TMX4: variants seen among roughly 807,000 people sequenced by gnomAD.
TMX4 encodes the protein thioredoxin-related transmembrane protein 4.
In TMX4, 23 loss-of-function variants were observed where a neutral mutation model predicts 33.3. The observed-to-expected ratio is 0.69, with a 90% CI of 0.50 to 0.98. TMX4 has a LOEUF of 0.98. TMX4 is among the 50% of genes least tolerant of loss of function. TMX4 has a pLI of 0.00. For synonymous variants in TMX4, 164 were observed against 161.5 expected, an observed-to-expected ratio of 1.02 and a Z score of -0.12; for missense variants, 399 against 448.9, an observed-to-expected ratio of 0.89 and a Z score of 1.01.
At chr20:7,983,954 G>A in intron 6 of TMX4, 97 bp from the exon 7 acceptor site, 1 of 799,174 alleles carries the variant, frequency 1.3e-6, no homozygotes, top group East Asian at 2.7e-5. Flanking sequence ...GATATTCTTA[G>A]ACTAATAATT....
In TMX4 at chr20:7,978,693, T is replaced by G. The variant is rs1373731920; in HGVS notation, c.*3558A>C. ...TTCCATGCACAAGAGCTTTTAAGTA[T>G]GTGCCCATGCAGTGCAAGGCCCTGT... On this transcript the variant is annotated 3_prime_UTR_variant, in exon 8 of 8. Transcript: ENST00000246024. 1 of 152,256 alleles carries G rather than the reference T, an allele frequency of 6.6e-6. No homozygotes were observed. Among genetic ancestry groups the G allele is most frequent in the Non-Finnish European group, 1.5e-5 (1 of 68,060 alleles). The allele number at this position is 152,256 out of a possible 1,614,324, so 9.4% of individuals were successfully genotyped here. A position where few individuals can be genotyped will look rare whatever the true frequency, so the allele number is the denominator to read the frequency against.
At chr20:7,992,044 G>A (rs1382355955) in intron 5 of TMX4, among the ~76,000 whole-genome samples, 1 of 152,222 alleles carries the variant, frequency 6.6e-6, no homozygotes, top group African/African-American at 2.4e-5. Context: ...TGGCAGTGAT[G>A]CTTCCTGAAG....
intron 5 of TMX4, among the ~76,000 whole-genome samples, chr20:7,989,729 G>A (rs1210751958): frequency 1.2e-4 from 19 of 152,128 alleles, no homozygotes; most frequent in Admixed American, 1.2e-3. Context: ...TGAGTGTTAG[G>A]ATTAGTGGTA....
chr20:7,982,467 T>A lies in TMX4; in HGVS notation c.834A>T (p.Glu278Asp). 1 of 1,614,094 alleles carries A rather than the reference T, an allele frequency of 6.2e-7. No individual in the cohort carries two copies. Among genetic ancestry groups the A allele is most frequent in the Non-Finnish European group, 8.5e-7 (1 of 1,180,006 alleles). The change falls in exon 8 of 8, where the codon GAA becomes GAT. Residue 278 changes from glutamate (E) to aspartate (D), a missense_variant. Coordinates refer to ENST00000246024, the MANE Select transcript of TMX4 (RefSeq NM_021156.4). ...EDLGDEDEAE[E>D]EEEEDNLAAG... is the part of the protein sequence containing the mutation. ...CAGCCAAGTTGTCCTCCTCCTCTTCTTCCTCTGCTTCATCCTCATCGCCAA... is the reference window on the plus strand; with the variant it reads ...CAGCCAAGTTGTCCTCCTCCTCTTCATCCTCTGCTTCATCCTCATCGCCAA...
Position 7,981,980 on chromosome 20 carries a change from C to T in TMX4, c.*271G>A, listed in dbSNP as rs1052307902. On this transcript the variant is annotated 3_prime_UTR_variant, in exon 8 of 8. Transcript: ENST00000246024. ...TGGGAATGGCCTCCTCTGGTCGAGA[C>T]TCTCTGACCCCTAAGTAAATGAACT... 3 of 378,100 alleles carry T rather than the reference C, an allele frequency of 7.9e-6. No individual in the cohort carries two copies. Among genetic ancestry groups the T allele is most frequent in the African/African-American group, 6.2e-5 (3 of 48,694 alleles). The allele number at this position is 378,100 out of a possible 1,614,324, so 23.4% of individuals were successfully genotyped here.
At chr20:8,007,255 C>A (rs766730458) in intron 2 of TMX4, among the ~76,000 whole-genome samples, 9 of 151,782 alleles carry the variant, frequency 5.9e-5, no homozygotes, top group Non-Finnish European at 1.0e-4. Flanking sequence ...TGTCCCAAAC[C>A]TACTTCTCCT....
At chr20:8,004,473 C>T (rs1321892017) in intron 2 of TMX4, among the ~76,000 whole-genome samples, 1 of 152,100 alleles carries the variant, frequency 6.6e-6, no homozygotes, top group Non-Finnish European at 1.5e-5. Flanking sequence ...AAAGTTAGGC[C>T]ACAAAGCCTT....
At chr20:8,001,692 C>T (rs984203410) in intron 2 of TMX4, 151 bp from the exon 3 acceptor site, 11 of 745,622 alleles carry the variant, frequency 1.5e-5, no homozygotes, top group Non-Finnish European at 2.4e-5. Flanking sequence ...TCATTTCTAC[C>T]TATTTTTATT....
chr20:7,982,706 A>T (rs1463024475), intron 7 of TMX4, 85 bp from the exon 8 acceptor site: 1 of 1,419,068 alleles, frequency 7.0e-7, no homozygotes, highest in Non-Finnish European at 9.5e-7. Context: ...GTGAAATAAA[A>T]ATAGAGGGTA....
chr20:8,004,183 A>G (rs574559300), intron 2 of TMX4, among the ~76,000 whole-genome samples: 2 of 152,156 alleles, frequency 1.3e-5, no homozygotes, highest in South Asian at 4.1e-4. Context: ...TCTGGGTCTC[A>G]TCTCAGTACT....
chr20:8,003,870 C>T (rs2122870786), intron 2 of TMX4, among the ~76,000 whole-genome samples: 1 of 152,218 alleles, frequency 6.6e-6, no homozygotes, highest in South Asian at 2.1e-4. Context: ...ACCAATAAAT[C>T]ATATCACCTC....
In TMX4 at chr20:7,978,601, T is replaced by G. The variant is rs546479987; in HGVS notation, c.*3650A>C. 1 of 152,334 alleles carries G rather than the reference T, an allele frequency of 6.6e-6. No homozygotes were observed. Among genetic ancestry groups the G allele is most frequent in the Non-Finnish European group, 1.5e-5 (1 of 68,030 alleles). The allele number at this position is 152,334 out of a possible 1,614,324, so 9.4% of individuals were successfully genotyped here. A position where few individuals can be genotyped will look rare whatever the true frequency, so the allele number is the denominator to read the frequency against. On this transcript the variant is annotated 3_prime_UTR_variant, in exon 8 of 8. Transcript: ENST00000246024. ...AAAGCCAACTCAGCTGAAGCTTATC[T>G]ATTTTCTACTACAGTAGTTATTTTG... is the stretch of plus-strand genomic sequence containing the variant.
At chr20:8,007,018 C>T (rs944274474) in intron 2 of TMX4, among the ~76,000 whole-genome samples, 2 of 152,326 alleles carry the variant, frequency 1.3e-5, no homozygotes, top group South Asian at 2.1e-4. Context: ...CCGCTCGCCT[C>T]GGCCTCCCAG....
rs1406791384 is a variant in TMX4 at position 7,982,565 on chromosome 20, C to T, written c.736G>A (p.Glu246Lys). Residue 246 changes from glutamate (E) to lysine (K), a missense_variant, in exon 8 of 8, where the codon GAG (glutamate) becomes AAG (lysine). Glu to Lys is a moderately conservative substitution (Grantham distance 56). Transcript: ENST00000246024. Reference protein sequence around the residue: ...HRAEQLQDAEEEKDDSNEEEN... With the variant: ...HRAEQLQDAEKEKDDSNEEEN... Reference sequence around the variant, plus strand: ...TCTTCATTTGAATCATCTTTTTCCTCCTCCGCATCCTGCAACTGTTCAGCT... The same window carrying T: ...TCTTCATTTGAATCATCTTTTTCCTTCTCCGCATCCTGCAACTGTTCAGCT... 6.2e-7 allele frequency: 1 copy of T among 1,613,726 alleles called. No homozygotes were observed. Among genetic ancestry groups the T allele is most frequent in the Non-Finnish European group, 8.5e-7 (1 of 1,179,998 alleles).
chr20:8,003,787 T>G (rs1202592344), intron 2 of TMX4, among the ~76,000 whole-genome samples: 1 of 152,162 alleles, frequency 6.6e-6, no homozygotes, highest in Non-Finnish European at 1.5e-5. Context: ...TCTCTTGATA[T>G]GAATTGCTAT....
intron 1 of TMX4, among the ~76,000 whole-genome samples, chr20:8,010,562 T>A (rs2050748812): frequency 6.6e-6 from 1 of 152,140 alleles, no homozygotes; most frequent in Non-Finnish European, 1.5e-5. Flanking sequence ...ATTATTATTA[T>A]CCATAAACAT....
At chr20:8,000,165 T>C (rs1451194267) in intron 3 of TMX4, among the ~76,000 whole-genome samples, 6 of 152,188 alleles carry the variant, frequency 3.9e-5, no homozygotes, top group Non-Finnish European at 8.8e-5. Context: ...AATTACTTTT[T>C]CTCTTACAAT....
At chr20:7,982,743 T>C in intron 7 of TMX4, 122 bp from the exon 8 acceptor site, 1 of 1,091,544 alleles carries the variant, frequency 9.2e-7, no homozygotes, top group Non-Finnish European at 1.3e-6. Context: ...ATCTTGAAAC[T>C]ATGGTCATAT....
At chr20:8,016,336 C>T (rs938137822) in intron 1 of TMX4, among the ~76,000 whole-genome samples, 2 of 152,022 alleles carry the variant, frequency 1.3e-5, no homozygotes, top group Non-Finnish European at 2.9e-5. Flanking sequence ...CGCACCACTG[C>T]GCTCCAGCCT....
Sources: gnomAD v4.1 joint callset for allele counts (sites outside exome capture counted in the v4.1 genomes callset) on GRCh38, gnomAD v4.1.1 for gene constraint, MANE v1.5 for transcripts, NCBI Gene and HGNC (gene_info 2026-07-23, HGNC 2026-07-21) for gene names.